Variants in KCNN1 observed in about 807,000 individuals in gnomAD.
KCNN1 encodes potassium calcium-activated channel subfamily N member 1, also known as small conductance calcium-activated potassium channel protein 1.
In KCNN1, 20 loss-of-function variants were observed where a neutral mutation model predicts 44.7. The observed-to-expected ratio is 0.45, with a 90% CI of 0.32 to 0.65. KCNN1 has a LOEUF of 0.65. Ranked by LOEUF, KCNN1 falls within the 30% of genes least tolerant of loss-of-function variation. The pLI, the probability that KCNN1 is intolerant of heterozygous loss-of-function variation, is 0.05. For synonymous variants in KCNN1, 324 were observed against 341.7 expected, an observed-to-expected ratio of 0.95 and a Z score of 0.57; for missense variants, 632 against 785.3, an observed-to-expected ratio of 0.80 and a Z score of 2.33.
rs1290999515 is a variant in KCNN1 at position 17,983,508 on chromosome 19, G to A, written c.917+1381G>A. Among the ~76,000 whole-genome samples, 5 of 152,124 alleles carry A rather than the reference G, an allele frequency of 3.3e-5. No homozygotes were observed. The highest frequency in any genetic ancestry group is 7.4e-5 in the Non-Finnish European group (5 of 67,990). On this transcript the variant is annotated intron_variant, in intron 4 of 9. Transcript: ENST00000684775. This position sits in a 1 kb window ranked among gnomAD's most constrained non-coding sequence, Gnocchi z 4.5. ...CCATGCAGCTCTCACACCCCTGATG[G>A]GTGGGGTCAGAACTAGGGTTAGGGG...
chr19:17,972,957 C>T (rs749779158), intron 1 of KCNN1, among the ~76,000 whole-genome samples: 1 of 152,102 alleles, frequency 6.6e-6, no homozygotes, highest in Non-Finnish European at 1.5e-5. Flanking sequence ...GCATTCCAGG[C>T]AGAGGGCACA....
At chr19:17,953,619 C>T (rs191426508) in intron 1 of KCNN1, among the ~76,000 whole-genome samples, 27 of 152,322 alleles carry the variant, frequency 1.8e-4, no homozygotes, top group Admixed American at 4.6e-4. Flanking sequence ...TACAGGCTCC[C>T]AGGGCAGCTT....
Position 17,998,168 on chromosome 19 carries a change from A to G in KCNN1, c.1394A>G (p.Tyr465Cys), listed in dbSNP as rs751855216. ...TDLAKTQTVMYDLVSELHAQH... is the reference protein window; with the variant it reads ...TDLAKTQTVMCDLVSELHAQH... ...CTCCCGCAGACCCAGACCGTCATGT[A>G]CGACCTTGTATCGGAGCTGCACGCT... The change falls in exon 10 of 10, where the codon TAC becomes TGC. Residue 465 changes from tyrosine to cysteine, a missense_variant. By Grantham distance (194) the Tyr-to-Cys change is radical. Transcript: ENST00000684775. This position sits in a 1 kb window ranked among gnomAD's most constrained non-coding sequence, Gnocchi z 5.4. 1 of 1,599,746 alleles carries G rather than the reference A, an allele frequency of 6.3e-7. No homozygotes were observed. The highest frequency in any genetic ancestry group is 1.1e-5 in the South Asian group (1 of 89,048).
chr19:17,993,636 C>A lies in KCNN1; in HGVS notation c.1377+77C>A. 1.6e-6 allele frequency: 2 copies of A among 1,219,772 alleles called. No homozygotes were observed. The highest frequency in any genetic ancestry group is 2.4e-6 in the Non-Finnish European group (2 of 826,578). 75.6% of individuals were successfully genotyped at this position (1,219,772 alleles called of 1,614,324 possible). On this transcript the variant is annotated intron_variant, in intron 9 of 9. Transcript: ENST00000684775. This position sits in a 1 kb window ranked among gnomAD's most constrained non-coding sequence, Gnocchi z 4.5. ...CAGATGGGATGGGGCTCAGCTCCTG[C>A]CGGAGGAGGGCACAAGGACCCGCTG... is the stretch of plus-strand genomic sequence containing the variant.
At chr19:17,953,854 C>A (rs946746863) in intron 1 of KCNN1, among the ~76,000 whole-genome samples, 2 of 152,190 alleles carry the variant, frequency 1.3e-5, no homozygotes, top group African/African-American at 4.8e-5. Flanking sequence ...CGCTTGAGCC[C>A]GGGAAGTCAA....
intron 7 of KCNN1, among the ~76,000 whole-genome samples, 174 bp from the exon 8 acceptor site, chr19:17,992,880 C>T (rs902968965): frequency 1.3e-5 from 2 of 152,356 alleles, no homozygotes; most frequent in South Asian, 2.1e-4. Context: ...ACAGAACCCT[C>T]AGAGGCTGGG....
Position 17,993,312 on chromosome 19 carries a change from C to T in KCNN1, c.1308-178C>T, listed in dbSNP as rs1249638596. ...TGGCCAGGCTGACTTCTGGCCCTGG[C>T]GCACCGGCTGTGTACTGGGAGGGAA... On this transcript the variant is annotated intron_variant, in intron 8 of 9. Transcript: ENST00000684775. The surrounding 1 kb of genome is among the most constrained non-coding windows in gnomAD (Gnocchi z 4.5). 2.6e-5 allele frequency among the ~76,000 whole-genome samples: 4 copies of T among 152,114 alleles called. No individual in the cohort carries two copies. The highest frequency in any genetic ancestry group is 1.3e-4 in the Admixed American group (2 of 15,256).
rs946489255 is a variant in KCNN1, at chr19:17,991,331, G to A, written c.1298+1488G>A. 3.9e-5 allele frequency among the ~76,000 whole-genome samples: 6 copies of A among 152,184 alleles called. No individual in the cohort carries two copies. In the East Asian group the frequency reaches 1.2e-3, roughly 29 times the overall value. On this transcript the variant is annotated intron_variant, in intron 7 of 9. Transcript: ENST00000684775. ...CCCAGTGTGGTGGCATGTGTCTATG[G>A]TCCCAGCTACCCAGGAGGTTGAGGT...
At chr19:17,976,049 A>G (rs753415080) in intron 3 of KCNN1, among the ~76,000 whole-genome samples, 4 of 152,134 alleles carry the variant, frequency 2.6e-5, no homozygotes, top group African/African-American at 4.8e-5. Flanking sequence ...GTAGCCAAAA[A>G]TCACACCTGT....
In KCNN1 at chr19:17,993,166, G is replaced by C; in HGVS notation, c.1307+104G>C. 1 of 1,406,372 alleles carries C rather than the reference G, an allele frequency of 7.1e-7. No homozygotes were observed. Among genetic ancestry groups the C allele is most frequent in the Non-Finnish European group, 1.0e-6 (1 of 1,003,716 alleles). The allele number at this position is 1,406,372 out of a possible 1,614,324, so 87.1% of individuals were successfully genotyped here. ...GCATGCCAACCCCAGCCTCAGAGGC[G>C]GGCAGGGTTCACATCTGCCCCATGG... On this transcript the variant is annotated intron_variant, in intron 8 of 9. Transcript: ENST00000684775. The surrounding 1 kb of genome is among the most constrained non-coding windows in gnomAD (Gnocchi z 4.5).
intron 3 of KCNN1, among the ~76,000 whole-genome samples, chr19:17,976,172 T>C (rs746770600): frequency 6.6e-6 from 1 of 151,940 alleles, no homozygotes; most frequent in East Asian, 2.0e-4. Context: ...CCAGGCATGA[T>C]ATCGGGTGCA....
In KCNN1 at chr19:17,983,232, C is replaced by T. The variant is rs1326017343; in HGVS notation, c.917+1105C>T. ...AGAGGCAGGAGGGGCTCCGCCAGGCCTGGGGTGTGAGGGTGCCTTATCTGG... is the reference window on the plus strand; with the variant it reads ...AGAGGCAGGAGGGGCTCCGCCAGGCTTGGGGTGTGAGGGTGCCTTATCTGG... On this transcript the variant is annotated intron_variant, in intron 4 of 9. Transcript: ENST00000684775. This position sits in a 1 kb window ranked among gnomAD's most constrained non-coding sequence, Gnocchi z 4.5. Among the ~76,000 whole-genome samples the T allele has an allele frequency of 1.3e-5, 2 of 152,074 alleles. No individual in the cohort carries two copies. Among genetic ancestry groups the T allele is most frequent in the Non-Finnish European group, 2.9e-5 (2 of 68,000 alleles).
In KCNN1 at chr19:17,973,821, C is replaced by A; in HGVS notation, c.-68C>A. The A allele has an allele frequency of 6.5e-7, 1 of 1,527,544 alleles. No individual in the cohort carries two copies. The highest frequency in any genetic ancestry group is 2.5e-5 in the East Asian group (1 of 40,782). The allele number at this position is 1,527,544 out of a possible 1,614,324, so 94.6% of individuals were successfully genotyped here. A position where few individuals can be genotyped will look rare whatever the true frequency, so the allele number is the denominator to read the frequency against. The stretch of plus-strand genomic sequence containing the variant: ...GTGCCCTTGCAGGTCAGTGCAGGAG[C>A]CCAGCCGCTGAGCCATGCCGGGCCC... On this transcript the variant is annotated 5_prime_UTR_variant, in exon 2 of 10. Transcript: ENST00000684775.
chr19:17,971,802 C>T (rs1307446245), intron 1 of KCNN1, among the ~76,000 whole-genome samples: 1 of 151,868 alleles, frequency 6.6e-6, no homozygotes, highest in Non-Finnish European at 1.5e-5. Context: ...ACAGTTTCCC[C>T]ATCTGTAAAA....
chr19:17,998,370 C>T lies in KCNN1; in HGVS notation c.1596C>T (p.Cys532=). The change falls in exon 10 of 10, where the codon TGC becomes TGT. Residue 532 remains cysteine (C), a synonymous_variant. Coordinates refer to ENST00000684775, the MANE Select transcript of KCNN1 (RefSeq NM_001386974.1). This position sits in a 1 kb window ranked among gnomAD's most constrained non-coding sequence, Gnocchi z 5.4. ...ACCAGGCAGCCCGGAGCTCCCCCTG[C>T]CGGTGGACGCCCGTGGCCCCCTCGG... The part of the protein sequence containing the change: ...PQDQAARSSP[C]RWTPVAPSDC... 1 of 1,498,984 alleles carries T rather than the reference C, an allele frequency of 6.7e-7. No individual in the cohort carries two copies. Among genetic ancestry groups the T allele is most frequent in the Non-Finnish European group, 8.9e-7 (1 of 1,127,336 alleles). The allele number at this position is 1,498,984 out of a possible 1,614,324, so 92.9% of individuals were successfully genotyped here.
chr19:17,987,709 TG>T (rs1568457935), intron 5 of KCNN1, among the ~76,000 whole-genome samples: 1 of 151,416 alleles, frequency 6.6e-6, no homozygotes, highest in Non-Finnish European at 1.5e-5. Flanking sequence ...TAAACCTGCC[TG>T]GGGCTGGGCA....
rs1025002994 is a variant in KCNN1 at position 17,988,503 on chromosome 19, T to G, written c.1148T>G (p.Met383Arg). ...KAEKHVHNFM[M>R]DTQLTKRVKN... ...GAGAAGCACGTGCACAACTTCATGA[T>G]GGACACTCAGCTCACCAAGCGGGTG... The change falls in exon 6 of 10, where the codon ATG becomes AGG. Residue 383 changes from methionine (M) to arginine (R), a missense_variant. By Grantham distance (91) the Met-to-Arg change is moderately conservative. Coordinates refer to ENST00000684775, the MANE Select transcript of KCNN1 (RefSeq NM_001386974.1). 1 of 1,613,820 alleles carries G rather than the reference T, an allele frequency of 6.2e-7. No homozygotes were observed. Among genetic ancestry groups the G allele is most frequent in the Non-Finnish European group, 8.5e-7 (1 of 1,179,850 alleles).
upstream of KCNN1, among the ~76,000 whole-genome samples, chr19:17,966,406 A>G (rs2031810668): frequency 6.6e-6 from 1 of 152,180 alleles, no homozygotes; most frequent in Non-Finnish European, 1.5e-5. Flanking sequence ...TTAACTTTGA[A>G]TGAATGAGTC....
intron 3 of KCNN1, among the ~76,000 whole-genome samples, chr19:17,976,637 C>T (rs1412825722): frequency 2.0e-5 from 3 of 152,054 alleles, no homozygotes; most frequent in Non-Finnish European, 2.9e-5. Context: ...AGGGTGGTCT[C>T]GAACTCCCAA....
Sources: gnomAD v4.1 joint callset for allele counts (sites outside exome capture counted in the v4.1 genomes callset) on GRCh38, gnomAD v4.1.1 for gene constraint, Gnocchi (gnomAD v3.1) non-coding constraint, MANE v1.5 for transcripts, NCBI Gene and HGNC (gene_info 2026-07-23, HGNC 2026-07-21) for gene names.